IMMP2L: variants seen among roughly 807,000 people sequenced by gnomAD.
IMMP2L encodes inner mitochondrial membrane peptidase subunit 2, also known as mitochondrial inner membrane protease subunit 2.
Under a neutral mutation model 19.3 loss-of-function variants are expected in IMMP2L, and 18 were observed. The observed-to-expected ratio is 0.93, with a 90% CI of 0.64 to 1.38. The LOEUF (loss-of-function observed/expected upper bound fraction) is 1.38. Ranked by LOEUF, IMMP2L falls within the 40% of genes most tolerant of loss-of-function variation. IMMP2L has a pLI of 0.00. For missense variants in IMMP2L, 233 were observed against 218.2 expected, an observed-to-expected ratio of 1.07 and a Z score of -0.43; for synonymous variants, 76 against 73.0, an observed-to-expected ratio of 1.04 and a Z score of -0.21.
intron 2 of IMMP2L, among the ~76,000 whole-genome samples, chr7:111,488,483 A>G (rs560709703): frequency 3.3e-5 from 5 of 152,132 alleles, no homozygotes; most frequent in Non-Finnish European, 5.9e-5. Context: ...ATAGTCTCCA[A>G]TTCCTTTCAG....
chr7:111,002,281 AT>A (rs1163106495), intron 3 of IMMP2L, among the ~76,000 whole-genome samples: 3 of 152,164 alleles, frequency 2.0e-5, no homozygotes, highest in Non-Finnish European at 4.4e-5. Flanking sequence ...AAGCCTGCCT[AT>A]TACCCAGTCA....
At chr7:111,351,425 G>A (rs374564313) in intron 3 of IMMP2L, among the ~76,000 whole-genome samples, 18 of 152,096 alleles carry the variant, frequency 1.2e-4, no homozygotes, top group South Asian at 4.2e-4. Flanking sequence ...TCCTGACCTC[G>A]TGATCTGCCC....
intron 3 of IMMP2L, among the ~76,000 whole-genome samples, chr7:111,165,612 G>A (rs1805730685): frequency 6.6e-6 from 1 of 151,932 alleles, no homozygotes; most frequent in Non-Finnish European, 1.5e-5. Context: ...TAAAAGTTCA[G>A]TTTTAAAAAT....
intron 4 of IMMP2L, among the ~76,000 whole-genome samples, chr7:110,909,750 C>T (rs1812841924): frequency 6.6e-6 from 1 of 152,076 alleles, no homozygotes; most frequent in Non-Finnish European, 1.5e-5. Flanking sequence ...CCGTTTCATC[C>T]ATCTCTATCC....
intron 3 of IMMP2L, among the ~76,000 whole-genome samples, chr7:111,210,478 A>G (rs1247194842): frequency 6.6e-6 from 1 of 152,192 alleles, no homozygotes; most frequent in Non-Finnish European, 1.5e-5. Context: ...TATTCTTAGA[A>G]AACTCTAAGG....
At chr7:111,019,430 T>C (rs1466213045) in intron 3 of IMMP2L, among the ~76,000 whole-genome samples, 1 of 152,060 alleles carries the variant, frequency 6.6e-6, no homozygotes, top group Non-Finnish European at 1.5e-5. Flanking sequence ...GAAACTGCAG[T>C]GGTTGAGAGT....
At chr7:110,700,700 G>C (rs1213668594) in intron 5 of IMMP2L, among the ~76,000 whole-genome samples, 1 of 152,076 alleles carries the variant, frequency 6.6e-6, no homozygotes, top group East Asian at 1.9e-4. Context: ...AGCATCTGTT[G>C]GATATTGGAC....
intron 3 of IMMP2L, among the ~76,000 whole-genome samples, chr7:111,299,651 T>C (rs1348186968): frequency 6.6e-6 from 1 of 151,516 alleles, no homozygotes; most frequent in Admixed American, 6.6e-5. Flanking sequence ...AATAAAATAT[T>C]AAACTTATTA....
At chr7:111,262,670 G>A (rs987949987) in intron 3 of IMMP2L, among the ~76,000 whole-genome samples, 1 of 152,250 alleles carries the variant, frequency 6.6e-6, no homozygotes, top group South Asian at 2.1e-4. Flanking sequence ...TATCTCCCTA[G>A]ATAATATTTT....
In IMMP2L at chr7:111,350,742, C is replaced by T. The variant is rs142394212; in HGVS notation, c.239+136496G>A. ...CTCTAACACCTCTTCCAAAAATAATCCATAACATTTAATAGTTTATTCATA... is the reference window on the plus strand; with the variant it reads ...CTCTAACACCTCTTCCAAAAATAATTCATAACATTTAATAGTTTATTCATA... On this transcript the variant is annotated intron_variant, in intron 3 of 5. Transcript: ENST00000405709. 5.3e-5 allele frequency among the ~76,000 whole-genome samples: 8 copies of T among 152,194 alleles called. No individual in the cohort carries two copies. The East Asian group carries it at 1.5e-3, about 29-fold the overall frequency.
chr7:110,910,655 GA>G lies in IMMP2L; in HGVS notation c.306-23961del, dbSNP rs1044925893. On this transcript the variant is annotated intron_variant, in intron 4 of 5. Coordinates refer to ENST00000405709, the MANE Select transcript of IMMP2L (RefSeq NM_032549.4). ...CTCCACAGTTTGAAGTCTGCAGGAT[GA>G]AAAATTGGGTTGTATTTGGGGGGAA... 6.6e-5 allele frequency among the ~76,000 whole-genome samples: 10 copies of G among 152,252 alleles called. 1 individual carries two copies. The highest frequency in any genetic ancestry group is 1.2e-4 in the Non-Finnish European group (8 of 68,004).
chr7:111,465,427 A>G (rs1012892846), intron 3 of IMMP2L, among the ~76,000 whole-genome samples: 28 of 151,130 alleles, frequency 1.9e-4, no homozygotes, highest in African/African-American at 6.6e-4. Context: ...TTTTCCTCCC[A>G]AAATATGTGT....
At chr7:110,994,186 A>C (rs1822795021) in intron 3 of IMMP2L, among the ~76,000 whole-genome samples, 1 of 151,482 alleles carries the variant, frequency 6.6e-6, no homozygotes, top group South Asian at 2.1e-4. Flanking sequence ...TTCTATTGAC[A>C]AACCCCGGTT....
chr7:111,071,713 C>G (rs920869070), intron 3 of IMMP2L, among the ~76,000 whole-genome samples: 2 of 151,724 alleles, frequency 1.3e-5, no homozygotes, highest in Non-Finnish European at 2.9e-5. Context: ...TGGGTAGTTG[C>G]CAAGAGCAAG....
intron 1 of IMMP2L, among the ~76,000 whole-genome samples, chr7:111,548,540 TTAC>T (rs1849152783): frequency 6.6e-6 from 1 of 152,156 alleles, no homozygotes; most frequent in African/African-American, 2.4e-5. Context: ...AAAGTTGATA[TTAC>T]AATATAATAA....
At chr7:110,966,592 A>G (rs771222661) in intron 3 of IMMP2L, among the ~76,000 whole-genome samples, 6 of 152,058 alleles carry the variant, frequency 3.9e-5, no homozygotes, top group Admixed American at 6.6e-5. Context: ...GAGGCAAAAT[A>G]GAGTATGCAA....
chr7:110,827,751 A>G (rs920707782), intron 5 of IMMP2L, among the ~76,000 whole-genome samples: 1 of 152,156 alleles, frequency 6.6e-6, no homozygotes, highest in Non-Finnish European at 1.5e-5. Flanking sequence ...ACAGGAAAAG[A>G]GTCCTTCACA....
rs182723996 is a variant in IMMP2L at position 111,352,675 on chromosome 7, C to A, written c.239+134563G>T. ...AGAATTCATGACTTCTCATCCTTCTCTTCCCTAAGGTGAGGGTTACGTGGT... is the reference window on the plus strand; with the variant it reads ...AGAATTCATGACTTCTCATCCTTCTATTCCCTAAGGTGAGGGTTACGTGGT... On this transcript the variant is annotated intron_variant, in intron 3 of 5. Transcript: ENST00000405709. Among the ~76,000 whole-genome samples, 4 of 152,230 alleles carry A rather than the reference C, an allele frequency of 2.6e-5. No individual in the cohort carries two copies. In the East Asian group the frequency reaches 7.7e-4, roughly 29 times the overall value.
intron 3 of IMMP2L, among the ~76,000 whole-genome samples, chr7:111,216,636 C>T (rs542883273): frequency 6.6e-6 from 1 of 152,148 alleles, no homozygotes; most frequent in African/African-American, 2.4e-5. Context: ...AAAAGAAATA[C>T]CATATTCCTC....
Sources: gnomAD v4.1 joint callset for allele counts (sites outside exome capture counted in the v4.1 genomes callset) on GRCh38, gnomAD v4.1.1 for gene constraint, MANE v1.5 for transcripts, NCBI Gene and HGNC (gene_info 2026-07-23, HGNC 2026-07-21) for gene names.